The following IL7 variants were observed in gnomAD, a reference collection of about 807,000 sequenced individuals.
The protein encoded by IL7 is interleukin 7.
Under a neutral mutation model 21.6 loss-of-function variants are expected in IL7, and 3 were observed. The ratio of observed to expected loss-of-function variants is 0.14; its 90% CI spans 0.06 to 0.36. The LOEUF is 0.36. IL7 is among the 10% of genes least tolerant of loss of function. IL7 has a pLI of 1.00. For missense variants in IL7, 175 were observed against 200.2 expected (o/e 0.87, Z 0.76); for synonymous variants, 62 against 68.1 (o/e 0.91, Z 0.44).
chr8:78,780,733 G>T (rs150299933), intron 2 of IL7, among the ~76,000 whole-genome samples: 4,320 of 152,250 alleles, frequency 0.028, 87 homozygotes, highest in Middle Eastern at 0.078. Context: ...GAGTTCTGTA[G>T]ATATCTATCA....
chr8:78,780,694 G>T (rs986210333), intron 2 of IL7, among the ~76,000 whole-genome samples: 1 of 152,132 alleles, frequency 6.6e-6, no homozygotes, highest in African/African-American at 2.4e-5. Context: ...GTGCCAAGAA[G>T]AATGTATATT....
intron 3 of IL7, among the ~76,000 whole-genome samples, chr8:78,702,670 C>CT (rs1206348981): frequency 6.6e-6 from 1 of 152,126 alleles, no homozygotes; most frequent in Non-Finnish European, 1.5e-5. Context: ...TCTTTGTACT[C>CT]TAAGTTTCAA....
chr8:78,802,972 T>C (rs1176636440), intron 1 of IL7, among the ~76,000 whole-genome samples: 1 of 152,124 alleles, frequency 6.6e-6, no homozygotes, highest in Non-Finnish European at 1.5e-5. Flanking sequence ...AGAGACTAAA[T>C]ATTTGTTCTT....
At chr8:78,765,906 A>C (rs1812741133) in intron 2 of IL7, among the ~76,000 whole-genome samples, 1 of 152,154 alleles carries the variant, frequency 6.6e-6, no homozygotes, top group African/African-American at 2.4e-5. Context: ...ATAATGACCA[A>C]AACTTGGAAG....
intron 3 of IL7, among the ~76,000 whole-genome samples, chr8:78,726,944 A>G (rs1487461704): frequency 1.3e-5 from 2 of 151,976 alleles, no homozygotes; most frequent in Non-Finnish European, 2.9e-5. Context: ...AATAATCTCA[A>G]TAGAACTTTC....
chr8:78,765,205 T>TA (rs1260527292), intron 2 of IL7, among the ~76,000 whole-genome samples: 1 of 152,078 alleles, frequency 6.6e-6, no homozygotes, highest in Non-Finnish European at 1.5e-5. Flanking sequence ...GACTTCAATG[T>TA]AAAATGCAAG....
chr8:78,731,774 C>T (rs1027411098), downstream of IL7, among the ~76,000 whole-genome samples: 4 of 151,960 alleles, frequency 2.6e-5, no homozygotes, highest in Admixed American at 6.6e-5. Context: ...TTTTTCCAAA[C>T]GTTTGGCACA....
intron 2 of IL7, among the ~76,000 whole-genome samples, chr8:78,758,242 A>T (rs1369965258): frequency 6.6e-6 from 1 of 152,144 alleles, no homozygotes; most frequent in East Asian, 1.9e-4. Flanking sequence ...TTATAATTGT[A>T]GAATTTAAAC....
At chr8:78,680,001 C>A (rs533974557) in intron 4 of IL7, among the ~76,000 whole-genome samples, 28 of 152,206 alleles carry the variant, frequency 1.8e-4, no homozygotes, top group African/African-American at 6.5e-4. Context: ...GCTCAAGAGT[C>A]AGACTGTCTG....
At chr8:78,696,020 T>C (rs1810388707) in intron 3 of IL7, among the ~76,000 whole-genome samples, 1 of 152,090 alleles carries the variant, frequency 6.6e-6, no homozygotes, top group African/African-American at 2.4e-5. Flanking sequence ...TTGAAAATGA[T>C]AATTTAAAAC....
chr8:78,702,490 T>C (rs1810636666), intron 3 of IL7, among the ~76,000 whole-genome samples: 1 of 152,194 alleles, frequency 6.6e-6, no homozygotes, highest in Non-Finnish European at 1.5e-5. Context: ...TGACTATTTC[T>C]TGTCTTCTGC....
At chr8:78,691,306 T>C (rs1242116010) in intron 3 of IL7, among the ~76,000 whole-genome samples, 2 of 152,318 alleles carry the variant, frequency 1.3e-5, no homozygotes, top group Middle Eastern at 3.4e-3. Context: ...TTGCATAGCA[T>C]TTATAAATTG....
intron 5 of IL7, among the ~76,000 whole-genome samples, chr8:78,734,102 T>C (rs1811497568): frequency 6.6e-6 from 1 of 152,216 alleles, no homozygotes; most frequent in African/African-American, 2.4e-5. Flanking sequence ...GTGGACATAA[T>C]AACACTGTTT....
At chr8:78,744,875 C>A (rs1040732799) in intron 2 of IL7, among the ~76,000 whole-genome samples, 5 of 152,106 alleles carry the variant, frequency 3.3e-5, no homozygotes, top group Non-Finnish European at 7.4e-5. Context: ...TTTCCAGGGT[C>A]ACACATTCAC....
chr8:78,785,164 A>G (rs1201941360), intron 2 of IL7, among the ~76,000 whole-genome samples: 1 of 152,116 alleles, frequency 6.6e-6, no homozygotes, highest in Non-Finnish European at 1.5e-5. Context: ...ATAACTTAGT[A>G]ACAATCATGT....
intron 4 of IL7, among the ~76,000 whole-genome samples, chr8:78,685,449 A>G (rs906176224): frequency 6.6e-6 from 1 of 152,238 alleles, no homozygotes; most frequent in African/African-American, 2.4e-5. Flanking sequence ...AGATCAGTAA[A>G]TTAAACTGTA....
chr8:78,690,598 T>A (rs1036375739), intron 3 of IL7, among the ~76,000 whole-genome samples: 1 of 151,862 alleles, frequency 6.6e-6, no homozygotes, highest in Non-Finnish European at 1.5e-5. Context: ...TTGATTTACA[T>A]TTATATATAC....
rs189948932 is a variant in IL7, at chr8:78,763,680, A to G, written c.148-23598T>C. Among the ~76,000 whole-genome samples the G allele has an allele frequency of 3.2e-4, 49 of 152,350 alleles. 1 individual carries two copies. In the East Asian group the frequency reaches 9.3e-3, roughly 29 times the overall value. On this transcript the variant is annotated intron_variant, in intron 2 of 5. Coordinates refer to ENST00000263851, the MANE Select transcript of IL7 (RefSeq NM_000880.4). The stretch of plus-strand genomic sequence containing the variant: ...ATCTATTCAAGAAAATAAATAAAAA[A>G]TGATGTTACAAAACAAAAAATACTA...
At chr8:78,797,859 G>T (rs34159387) in intron 2 of IL7, 1 of 400,252 alleles carries the variant, frequency 2.5e-6, no homozygotes, top group Non-Finnish European at 4.5e-6. Flanking sequence ...ATGAATAGTT[G>T]TGAGAATCTT....
Sources: allele counts gnomAD v4.1 joint callset (sites outside exome capture counted in the v4.1 genomes callset), GRCh38; gene constraint gnomAD v4.1.1; transcripts MANE v1.5; gene names NCBI Gene and HGNC (gene_info 2026-07-23, HGNC 2026-07-21).